Variants in TMEM132D observed in about 807,000 individuals in gnomAD.
TMEM132D encodes mature OL transmembrane protein.
Under a neutral mutation model 62.3 loss-of-function variants are expected in TMEM132D, and 21 were observed. The ratio of observed to expected loss-of-function variants is 0.34; its 90% CI spans 0.24 to 0.49. TMEM132D has a LOEUF of 0.49. Ranked by LOEUF, TMEM132D falls within the 20% of genes least tolerant of loss-of-function variation. The pLI is 0.99. For synonymous variants in TMEM132D, 621 were observed against 575.6 expected (o/e 1.08, Z -1.13); for missense variants, 1,346 against 1,402.8 (o/e 0.96, Z 0.65).
chr12:129,209,691 A>G, intron 4 of TMEM132D, 28 bp from the exon 5 acceptor site: 1 of 1,613,152 alleles, frequency 6.2e-7, no homozygotes, highest in South Asian at 1.1e-5. Flanking sequence ...CCCTTCCATC[A>G]CATCCCCTCC....
rs1276641156 is a variant in TMEM132D at position 129,903,121 on chromosome 12, G to GCA, written c.79+138_79+139dup. 2.2e-6 allele frequency: 2 copies of GCA among 903,854 alleles called. No individual in the cohort carries two copies. The highest frequency in any genetic ancestry group is 3.4e-6 in the Non-Finnish European group (2 of 591,690). 56.0% of individuals were successfully genotyped at this position (903,854 alleles called of 1,614,324 possible). A position where few individuals can be genotyped will look rare whatever the true frequency, so the allele number is the denominator to read the frequency against. On this transcript the variant is annotated intron_variant, in intron 1 of 8. Transcript: ENST00000422113. The surrounding 1 kb of genome is among the most constrained non-coding windows in gnomAD (Gnocchi z 6.2). ...CGCACGAGCGCACGTTCACACGCGC[G>GCA]CACACACACATGCACACAAGCGCGC...
At chr12:129,206,814 G>C (rs1051737395) in intron 5 of TMEM132D, among the ~76,000 whole-genome samples, 1 of 152,134 alleles carries the variant, frequency 6.6e-6, no homozygotes, top group Non-Finnish European at 1.5e-5. Flanking sequence ...GACATGGATG[G>C]AGCTAGAGGC....
chr12:129,801,803 G>A (rs1352328188), intron 1 of TMEM132D, among the ~76,000 whole-genome samples: 1 of 147,744 alleles, frequency 6.8e-6, no homozygotes, highest in Admixed American at 6.7e-5. Flanking sequence ...AAATTTAGAA[G>A]AATGTATAAC....
chr12:129,824,348 G>T (rs1364885501), intron 1 of TMEM132D, among the ~76,000 whole-genome samples: 2 of 152,028 alleles, frequency 1.3e-5, no homozygotes, highest in East Asian at 3.9e-4. Context: ...TGTTTATTAT[G>T]GCTAGGAAGA....
intron 4 of TMEM132D, among the ~76,000 whole-genome samples, chr12:129,214,916 G>C (rs1238488736): frequency 6.6e-6 from 1 of 152,140 alleles, no homozygotes; most frequent in Non-Finnish European, 1.5e-5. Context: ...TCCTTAAAGA[G>C]ATAAAAACAG....
chr12:129,377,215 A>G (rs1870807281), intron 3 of TMEM132D, among the ~76,000 whole-genome samples: 1 of 152,190 alleles, frequency 6.6e-6, no homozygotes, highest in African/African-American at 2.4e-5. Flanking sequence ...CAGCATCTAC[A>G]ATCTTCAGAG....
At chr12:129,329,828 G>A (rs915143866) in intron 4 of TMEM132D, among the ~76,000 whole-genome samples, 12 of 152,174 alleles carry the variant, frequency 7.9e-5, no homozygotes, top group African/African-American at 2.7e-4. Flanking sequence ...GAGAATACGT[G>A]TGCCAGGAGA....
At chr12:129,895,950 T>C (rs1875099120) in intron 1 of TMEM132D, among the ~76,000 whole-genome samples, 1 of 97,762 alleles carries the variant, frequency 1.0e-5, no homozygotes, top group African/African-American at 2.9e-5. Flanking sequence ...AGGAATTTGA[T>C]TTCTCTGTCT....
Position 129,156,015 on chromosome 12 carries a change from C to T in TMEM132D, c.1443+53505G>A, listed in dbSNP as rs80069703. On this transcript the variant is annotated intron_variant, in intron 5 of 8. Coordinates refer to ENST00000422113, the MANE Select transcript of TMEM132D (RefSeq NM_133448.3). Reference sequence around the variant, plus strand: ...TAGCCCACTCCTGTGATAACAAACTCCCAAAATAACCAAACCACTCCCGTG... The same window carrying T: ...TAGCCCACTCCTGTGATAACAAACTTCCAAAATAACCAAACCACTCCCGTG... Among the ~76,000 whole-genome samples the T allele has an allele frequency of 5.1e-3, 780 of 152,004 alleles. 20 individuals carry two copies. Among genetic ancestry groups the T allele is most frequent in the Admixed American group, 0.037 (563 of 15,278 alleles).
At chr12:129,098,462 C>T (rs1010540819) in intron 5 of TMEM132D, among the ~76,000 whole-genome samples, 5 of 152,182 alleles carry the variant, frequency 3.3e-5, no homozygotes, top group East Asian at 3.8e-4. Flanking sequence ...CCTACCTACT[C>T]GGGCACAGAT....
intron 2 of TMEM132D, 64 bp downstream of exon 2, chr12:129,699,746 C>G: frequency 6.4e-7 from 1 of 1,572,382 alleles, no homozygotes; most frequent in South Asian, 1.2e-5. Context: ...TCTGGTCAAA[C>G]AGCTTCTGGA....
chr12:129,462,884 G>A (rs1873727960), intron 3 of TMEM132D, among the ~76,000 whole-genome samples: 4 of 152,060 alleles, frequency 2.6e-5, no homozygotes, highest in African/African-American at 4.8e-5. Flanking sequence ...GGCCAGTCTC[G>A]TGTCTCCCAC....
chr12:129,663,312 A>G (rs890677319), intron 2 of TMEM132D, among the ~76,000 whole-genome samples: 4 of 152,078 alleles, frequency 2.6e-5, no homozygotes, highest in Non-Finnish European at 4.4e-5. Flanking sequence ...CTAATTTTGT[A>G]TTTTTAGTAG....
At chr12:129,188,971 C>T (rs1421072131) in intron 5 of TMEM132D, among the ~76,000 whole-genome samples, 1 of 152,140 alleles carries the variant, frequency 6.6e-6, no homozygotes, top group Non-Finnish European at 1.5e-5. Context: ...CACCCACTTT[C>T]CTGGAGGACC....
Position 129,754,768 on chromosome 12 carries a change from A to G in TMEM132D, c.80-54070T>C, listed in dbSNP as rs1870111124. ...ATTAAGGCAGTTAAAAGAAAGACCAAAGAGACAGCGATTTTGCCTTTGATA... is the reference window on the plus strand; with the variant it reads ...ATTAAGGCAGTTAAAAGAAAGACCAGAGAGACAGCGATTTTGCCTTTGATA... On this transcript the variant is annotated intron_variant, in intron 1 of 8. Transcript: ENST00000422113. Among the ~76,000 whole-genome samples the G allele has an allele frequency of 2.6e-5, 4 of 152,314 alleles. No individual in the cohort carries two copies. In the South Asian group the frequency reaches 8.3e-4, roughly 32 times the overall value.
At chr12:129,536,755 T>C (rs1431616612) in intron 2 of TMEM132D, among the ~76,000 whole-genome samples, 4 of 152,224 alleles carry the variant, frequency 2.6e-5, no homozygotes, top group East Asian at 3.8e-4. Context: ...TATTCCACTA[T>C]AGCCAGTTAA....
At chr12:129,168,284 T>C (rs1877621698) in intron 5 of TMEM132D, among the ~76,000 whole-genome samples, 1 of 152,178 alleles carries the variant, frequency 6.6e-6, no homozygotes, top group African/African-American at 2.4e-5. Context: ...TTTATTGATA[T>C]ATAATTCACA....
intron 1 of TMEM132D, among the ~76,000 whole-genome samples, chr12:129,727,249 G>A (rs1233862685): frequency 1.3e-5 from 2 of 152,220 alleles, no homozygotes; most frequent in Admixed American, 1.3e-4. Flanking sequence ...GGTTCCGGAG[G>A]TTGGGAAGTT....
intron 3 of TMEM132D, among the ~76,000 whole-genome samples, chr12:129,503,582 G>A (rs1566090440): frequency 1.3e-5 from 2 of 152,136 alleles, no homozygotes; most frequent in Non-Finnish European, 1.5e-5. Context: ...AGAATCTGCA[G>A]TCATTTATAG....
Sources: allele counts gnomAD v4.1 joint callset (sites outside exome capture counted in the v4.1 genomes callset), GRCh38; gene constraint gnomAD v4.1.1; non-coding constraint Gnocchi (gnomAD v3.1); transcripts MANE v1.5; gene names NCBI Gene and HGNC (gene_info 2026-07-23, HGNC 2026-07-21).